The following NRG1 variants were observed in gnomAD, a reference collection of about 807,000 sequenced individuals.
The protein encoded by NRG1 is neuregulin 1, also known as pro-neuregulin-1, membrane-bound isoform.
In NRG1, 18 loss-of-function variants were observed where a neutral mutation model predicts 63.8. The observed-to-expected ratio is 0.28, with a 90% CI of 0.19 to 0.42. The LOEUF (loss-of-function observed/expected upper bound fraction) is 0.42. Among genes scored for constraint, NRG1 ranks in the 10% least tolerant of loss-of-function variants. The pLI is 1.00. For synonymous variants in NRG1, 302 were observed against 301.3 expected, an observed-to-expected ratio of 1.00 and a Z score of -0.02; for missense variants, 762 against 814.7, an observed-to-expected ratio of 0.94 and a Z score of 0.79.
At chr8:31,997,495 TTTCACA>T (rs1450258695) in intron 1 of NRG1, among the ~76,000 whole-genome samples, 1 of 152,038 alleles carries the variant, frequency 6.6e-6, no homozygotes, top group Non-Finnish European at 1.5e-5. Flanking sequence ...CATAAAGCTC[TTTCACA>T]TTCATCACTT....
intron 1 of NRG1, among the ~76,000 whole-genome samples, chr8:31,677,146 C>A (rs776689708): frequency 1.4e-4 from 22 of 152,078 alleles, no homozygotes; most frequent in Admixed American, 1.4e-3. Flanking sequence ...TGAAATTTTG[C>A]TTAGGTCTTG....
chr8:32,769,283 C>T (rs560438158), downstream of NRG1, among the ~76,000 whole-genome samples: 42 of 152,268 alleles, frequency 2.8e-4, no homozygotes, highest in African/African-American at 1.0e-3. Context: ...GGCAGAAGCA[C>T]GTGTGTGAAG....
intron 1 of NRG1, among the ~76,000 whole-genome samples, chr8:32,406,924 A>G (rs541374843): frequency 7.2e-5 from 11 of 152,114 alleles, no homozygotes; most frequent in African/African-American, 2.7e-4. Flanking sequence ...TCTATAATAA[A>G]GAGAAGTTTG....
rs140945392 is a variant in NRG1, at chr8:32,124,734, A to G, written c.38-471094A>G. Among the ~76,000 whole-genome samples, 4 of 151,790 alleles carry G rather than the reference A, an allele frequency of 2.6e-5. No homozygotes were observed. In the East Asian group the frequency reaches 7.8e-4, roughly 30 times the overall value. On this transcript the variant is annotated intron_variant, in intron 1 of 10. Coordinates refer to the NRG1 transcript ENST00000519301. ...TTTCCTTTCCAGTAAACTTCTCCAA[A>G]CCCTTCCTCAGTGTTTCAAAGGCAA...
intron 1 of NRG1, among the ~76,000 whole-genome samples, chr8:31,740,588 A>G (rs899991430): frequency 6.6e-5 from 10 of 152,046 alleles, no homozygotes; most frequent in Non-Finnish European, 1.5e-4. Flanking sequence ...AAAATTGCCA[A>G]GCTTGACAGT....
At chr8:32,148,609 T>G (rs956431312) in intron 1 of NRG1, among the ~76,000 whole-genome samples, 8 of 152,202 alleles carry the variant, frequency 5.3e-5, no homozygotes, top group African/African-American at 2.4e-5. Context: ...TTTCAGGCAC[T>G]GATGAATGAT....
chr8:32,656,705 T>G (rs1479882887), intron 5 of NRG1, among the ~76,000 whole-genome samples: 10 of 152,220 alleles, frequency 6.6e-5, no homozygotes, highest in Non-Finnish European at 1.5e-5. Flanking sequence ...AAATCAATAC[T>G]GGAGCAATGA....
chr8:32,769,612 A>G (rs372061605), downstream of NRG1, among the ~76,000 whole-genome samples: 3 of 152,232 alleles, frequency 2.0e-5, no homozygotes, highest in East Asian at 3.8e-4. Context: ...TTTGCACTCT[A>G]TGTTTGGCTT....
intron 1 of NRG1, among the ~76,000 whole-genome samples, chr8:32,182,771 T>C (rs1049469257): frequency 1.3e-5 from 2 of 152,212 alleles, no homozygotes; most frequent in Non-Finnish European, 2.9e-5. Flanking sequence ...CAGCCCACTA[T>C]GGTTTATATT....
chr8:32,434,767 C>G (rs1818578030), intron 1 of NRG1, among the ~76,000 whole-genome samples: 1 of 151,620 alleles, frequency 6.6e-6, no homozygotes, highest in East Asian at 1.9e-4. Flanking sequence ...TTCTACATTT[C>G]CAGATTCAAC....
Position 32,195,979 on chromosome 8 carries a change from T to C in NRG1, c.38-399849T>C, listed in dbSNP as rs150712087. ...GTTGATGCAAAAGTAATTGTGATTT[T>C]TGCCATTACTTTTAAATGTAAAGTA... On this transcript the variant is annotated intron_variant, in intron 1 of 10. Coordinates refer to the NRG1 transcript ENST00000519301. 3.0e-4 allele frequency among the ~76,000 whole-genome samples: 45 copies of C among 152,300 alleles called. No individual in the cohort carries two copies. In the East Asian group the frequency reaches 8.7e-3, roughly 29 times the overall value.
intron 1 of NRG1, among the ~76,000 whole-genome samples, chr8:32,440,473 A>G (rs756987520): frequency 2.0e-5 from 3 of 152,104 alleles, no homozygotes; most frequent in Non-Finnish European, 4.4e-5. Flanking sequence ...AGTGATTTGT[A>G]TAATGGCAGG....
chr8:32,174,413 A>G (rs530810235), intron 1 of NRG1, among the ~76,000 whole-genome samples: 445 of 152,292 alleles, frequency 2.9e-3, no homozygotes, highest in Non-Finnish European at 4.3e-3. Flanking sequence ...CTAACATCAC[A>G]ATTAAAAGAA....
chr8:31,959,471 C>T (rs1201583016), intron 1 of NRG1, among the ~76,000 whole-genome samples: 1 of 152,114 alleles, frequency 6.6e-6, no homozygotes, highest in East Asian at 1.9e-4. Context: ...CATCACCAGG[C>T]AATACCAATT....
intron 1 of NRG1, among the ~76,000 whole-genome samples, chr8:31,969,622 G>T (rs1806945240): frequency 6.6e-6 from 1 of 152,156 alleles, no homozygotes; most frequent in South Asian, 2.1e-4. Context: ...GGCTGCATGT[G>T]TGTCTGGCTG....
At chr8:32,447,848 CAAA>C (rs35074926) in intron 1 of NRG1, among the ~76,000 whole-genome samples, 86 of 125,320 alleles carry the variant, frequency 6.9e-4, no homozygotes, top group African/African-American at 2.0e-3. Context: ...AACCCTGTGT[CAAA>C]AAAAAAAAAA....
At chr8:32,548,793 A>C in exon 1 of NRG1, 2 of 1,585,106 alleles carry the variant, frequency 1.3e-6, no homozygotes, top group Non-Finnish European at 1.7e-6. Flanking sequence ...CTCCGGCAAG[A>C]AGCCGGAGTC....
intron 2 of NRG1, among the ~76,000 whole-genome samples, chr8:32,604,059 G>C (rs1207690360): frequency 6.6e-6 from 1 of 152,154 alleles, no homozygotes; most frequent in Non-Finnish European, 1.5e-5. Context: ...ATATGTCCTA[G>C]GTCAAGAGAT....
intron 1 of NRG1, among the ~76,000 whole-genome samples, chr8:31,708,725 G>A (rs370543310): frequency 6.6e-5 from 10 of 152,084 alleles, no homozygotes; most frequent in East Asian, 5.8e-4. Flanking sequence ...GATTACAGGC[G>A]TGAGCCACCG....
Sources: gnomAD v4.1 joint callset for allele counts (sites outside exome capture counted in the v4.1 genomes callset) on GRCh38, gnomAD v4.1.1 for gene constraint, MANE v1.5 for transcripts, NCBI Gene and HGNC (gene_info 2026-07-23, HGNC 2026-07-21) for gene names.